Variants in OAS2 observed in about 807,000 individuals in gnomAD.
The protein encoded by OAS2 is 2'-5'-oligoadenylate synthetase 2.
OAS2 carries 67 observed loss-of-function variants against 71.3 expected under a neutral mutation model. The observed-to-expected ratio is 0.94, with a 90% CI of 0.77 to 1.15. OAS2 has a LOEUF of 1.15. Among genes scored for constraint, OAS2 ranks in the 50% most tolerant of loss-of-function variants. The pLI is 0.00. For synonymous variants in OAS2, 327 were observed against 321.8 expected (o/e 1.02, Z -0.17); for missense variants, 789 against 822.5 (o/e 0.96, Z 0.50).
intron 3 of OAS2, among the ~76,000 whole-genome samples, chr12:112,996,349 G>A (rs1378884999): frequency 1.3e-5 from 2 of 152,146 alleles, no homozygotes; most frequent in African/African-American, 2.4e-5. Context: ...GCTATCCAGT[G>A]CACATATATG....
chr12:112,995,264 A>G, intron 2 of OAS2, 32 bp from the exon 3 acceptor site: 1 of 1,585,344 alleles, frequency 6.3e-7, no homozygotes, highest in Non-Finnish European at 8.6e-7. Flanking sequence ...GGTTACATAA[A>G]TAACAACGTT....
Position 113,007,885 on chromosome 12 carries a change from T to C in OAS2, c.1837T>C (p.Tyr613His). Reference protein sequence around the residue: ...QQLCIFWKVNYNFEDETVRKF... With the variant: ...QQLCIFWKVNHNFEDETVRKF... ...GCTCTGCATCTTCTGGAAGGTCAAT[T>C]ACAACTTTGAAGATGAGACCGTGAG... The change falls in exon 9 of 10, where the codon TAC becomes CAC. Residue 613 changes from tyrosine to histidine, a missense_variant. Transcript: ENST00000392583. 6.2e-7 allele frequency: 1 copy of C among 1,614,152 alleles called. No homozygotes were observed.
chr12:113,005,228 G>A lies in OAS2; in HGVS notation c.1468+6G>A, dbSNP rs1444594892. 1 of 1,610,252 alleles carries A rather than the reference G, an allele frequency of 6.2e-7. No individual in the cohort carries two copies. Among genetic ancestry groups the A allele is most frequent in the Non-Finnish European group, 8.5e-7 (1 of 1,177,530 alleles). On this transcript the variant is annotated splice_donor_region_variant and intron_variant, in intron 7 of 9. Coordinates refer to ENST00000392583, the MANE Select transcript of OAS2 (RefSeq NM_002535.3). ...TCCTGCCTTTAATGCACTGGGTAAG[G>A]CTCCCCAGACCTTAGCTTGGAAGTG...
At chr12:112,979,382 T>A (rs191625155) in intron 1 of OAS2, among the ~76,000 whole-genome samples, 17 of 152,258 alleles carry the variant, frequency 1.1e-4, no homozygotes, top group Admixed American at 1.3e-4. Flanking sequence ...CCTCTTAGCC[T>A]CCTGAGCTGC....
chr12:112,995,572 A>C (rs2044226672), intron 3 of OAS2, 98 bp downstream of exon 3: 11 of 1,162,274 alleles, frequency 9.5e-6, no homozygotes, highest in Non-Finnish European at 1.3e-5. Context: ...TATACAGCTC[A>C]ACGCATTTTT....
intron 8 of OAS2, among the ~76,000 whole-genome samples, 174 bp downstream of exon 8, chr12:113,006,774 G>A (rs1437837353): frequency 1.3e-5 from 2 of 152,154 alleles, no homozygotes; most frequent in Non-Finnish European, 2.9e-5. Context: ...TGGGTCAGGC[G>A]TTGATGGCTT....
In OAS2 at chr12:113,010,236, T is replaced by C. The variant is rs1279969426; in HGVS notation, c.*981T>C. ...GCTCTAATTATTAAGATATGCATTA[T>C]AAATAAATACCAAAAAATTGTCTCT... is the stretch of plus-strand genomic sequence containing the variant. On this transcript the variant is annotated 3_prime_UTR_variant, in exon 10 of 10. Transcript: ENST00000392583. 4.1e-6 allele frequency: 6 copies of C among 1,472,132 alleles called. No individual in the cohort carries two copies. The highest frequency in any genetic ancestry group is 5.4e-6 in the Non-Finnish European group (6 of 1,119,884). 91.2% of individuals were successfully genotyped at this position (1,472,132 alleles called of 1,614,324 possible).
intron 1 of OAS2, among the ~76,000 whole-genome samples, chr12:112,980,204 A>G (rs2044067429): frequency 6.6e-6 from 1 of 152,204 alleles, no homozygotes; most frequent in Non-Finnish European, 1.5e-5. Context: ...TGATCAGGGT[A>G]GTTAGGATAT....
At chr12:112,981,165 G>T in intron 1 of OAS2, among the ~76,000 whole-genome samples, 1 of 152,080 alleles carries the variant, frequency 6.6e-6, no homozygotes, top group East Asian at 1.9e-4. Flanking sequence ...CCATTCTACA[G>T]CTTGTCTTTT....
chr12:112,997,376 CTTGGTATTG>C, intron 3 of OAS2, 135 bp from the exon 4 acceptor site: 1 of 626,542 alleles, frequency 1.6e-6, no homozygotes, highest in Non-Finnish European at 2.7e-6. Context: ...TTTGTCAAGA[CTTGGTATTG>C]TCAGTCCACT....
At chr12:112,992,851 G>A (rs1040674951) in intron 2 of OAS2, among the ~76,000 whole-genome samples, 3 of 152,134 alleles carry the variant, frequency 2.0e-5, no homozygotes, top group African/African-American at 7.2e-5. Flanking sequence ...GAGTCAAGGA[G>A]GGAGACAGGT....
Position 113,010,362 on chromosome 12 carries a change from T to C in OAS2, c.*1107T>C, listed in dbSNP as rs1412546282. 6.2e-7 allele frequency: 1 copy of C among 1,609,336 alleles called. No homozygotes were observed. The highest frequency in any genetic ancestry group is 8.5e-7 in the Non-Finnish European group (1 of 1,178,692). The stretch of plus-strand genomic sequence containing the variant: ...GGAGACATTGCTCTCCCACGTATGT[T>C]TTTCTTTTTAGACAATGCAGACACC... On this transcript the variant is annotated 3_prime_UTR_variant, in exon 10 of 10. Coordinates refer to ENST00000392583, the MANE Select transcript of OAS2 (RefSeq NM_002535.3).
chr12:113,008,924 G>A (rs761059139), intron 9 of OAS2, among the ~76,000 whole-genome samples, 163 bp from the exon 10 acceptor site: 1 of 152,096 alleles, frequency 6.6e-6, no homozygotes, highest in African/African-American at 2.4e-5. Flanking sequence ...CACTGCACGC[G>A]GCCTCTAGAA....
At chr12:113,005,937 A>C (rs1363759136) in intron 7 of OAS2, among the ~76,000 whole-genome samples, 22 of 148,530 alleles carry the variant, frequency 1.5e-4, no homozygotes, top group South Asian at 1.5e-3. Context: ...AAAAAAAAAA[A>C]AAAAAAAAAA....
rs957774712 is a variant in OAS2 at position 113,005,941 on chromosome 12, A to C, written c.1469-472A>C. Reference sequence around the variant, plus strand: ...AACAAAAAAAAAAAAAAAAAAAAAAAAAAAAAAAAACAAGAAGCAGCGCAC... The same window carrying C: ...AACAAAAAAAAAAAAAAAAAAAAAACAAAAAAAAAACAAGAAGCAGCGCAC... On this transcript the variant is annotated intron_variant, in intron 7 of 9. Transcript: ENST00000392583. Among the ~76,000 whole-genome samples the C allele has an allele frequency of 1.2e-3, 176 of 148,914 alleles. 5 individuals are homozygous for C. The highest frequency in any genetic ancestry group is 2.8e-4 in the Non-Finnish European group (19 of 66,836).
intron 2 of OAS2, among the ~76,000 whole-genome samples, chr12:112,993,261 C>G (rs933281236): frequency 7.9e-5 from 12 of 152,194 alleles, no homozygotes; most frequent in East Asian, 3.8e-4. Context: ...CAACTCTCCC[C>G]CTAGGGCCTT....
chr12:112,999,803 A>G (rs1032076028), intron 5 of OAS2, among the ~76,000 whole-genome samples: 1 of 152,286 alleles, frequency 6.6e-6, no homozygotes, highest in Non-Finnish European at 1.5e-5. Context: ...AAAATGATTC[A>G]GTAAACTCCT....
intron 3 of OAS2, among the ~76,000 whole-genome samples, chr12:112,997,051 T>G (rs747963972): frequency 6.6e-6 from 1 of 152,192 alleles, no homozygotes; most frequent in Non-Finnish European, 1.5e-5. Context: ...TATGCTAAGA[T>G]GTTATCTTTA....
At chr12:112,993,944 TG>T in intron 2 of OAS2, among the ~76,000 whole-genome samples, 1 of 110,098 alleles carries the variant, frequency 9.1e-6, no homozygotes, top group South Asian at 3.4e-4. Flanking sequence ...TGTTTCTATT[TG>T]TTTGGTTGTT....
Sources: gnomAD v4.1 joint callset for allele counts (sites outside exome capture counted in the v4.1 genomes callset) on GRCh38, gnomAD v4.1.1 for gene constraint, MANE v1.5 for transcripts, NCBI Gene and HGNC (gene_info 2026-07-23, HGNC 2026-07-21) for gene names.